The following CCNT2 variants were observed in gnomAD, a reference collection of about 807,000 sequenced individuals.
CCNT2 encodes the protein cyclin T2, also known as cyclin-T2.
Under a neutral mutation model 70.0 loss-of-function variants are expected in CCNT2, and 18 were observed. The ratio of observed to expected loss-of-function variants is 0.26; its 90% confidence interval spans 0.18 to 0.38. The LOEUF (loss-of-function observed/expected upper bound fraction) is 0.38, where lower values mean the gene tolerates loss of function less well. Ranked by LOEUF, CCNT2 falls within the 10% of genes least tolerant of loss-of-function variation. The pLI, the probability that CCNT2 is intolerant of heterozygous loss-of-function variation, is 1.00. For missense variants in CCNT2, 734 were observed against 890.2 expected, an observed-to-expected ratio of 0.82 and a Z score of 2.23; for synonymous variants, 334 against 313.3, an observed-to-expected ratio of 1.07 and a Z score of -0.70.
chr2:134,953,567 CT>C lies in CCNT2; in HGVS notation c.1115del (p.Leu372CysfsTer58). 1 of 1,614,074 alleles carries C rather than the reference CT, an allele frequency of 6.2e-7. No individual in the cohort carries two copies. The highest frequency in any genetic ancestry group is 8.5e-7 in the Non-Finnish European group (1 of 1,179,940). On this transcript the variant is annotated frameshift_variant, in exon 9 of 9. Transcript: ENST00000264157. LOFTEE classifies it high-confidence loss of function. ...CTATATTCACAGAAACAGGAGACAT[CT>C]TTGTCTGGTAGCCAGTACAACATCA... is the stretch of plus-strand genomic sequence containing the variant. The part of the protein sequence containing the change: ...EQLYSQKQET[S>X]LSGSQYNINF...
rs888199864 is a variant in CCNT2 at position 134,959,076 on chromosome 2, T to C, written c.*4428T>C. The C allele has an allele frequency of 9.2e-5, 14 of 152,194 alleles. No homozygotes were observed. Among genetic ancestry groups the C allele is most frequent in the Admixed American group, 5.2e-4 (8 of 15,280 alleles). 9.4% of individuals were successfully genotyped at this position (152,194 alleles called of 1,614,324 possible). On this transcript the variant is annotated 3_prime_UTR_variant, in exon 9 of 9. Transcript: ENST00000264157. ...TTGTTTAATAATGAGTACATTCTTA[T>C]TAAGTGATGAGTACATTCTTAATTT...
At chr2:134,928,274 C>CTTTTTTTTTTTTGTTTTTTTTTTTTTTT (rs1680446244) in intron 2 of CCNT2, among the ~76,000 whole-genome samples, 1 of 96,428 alleles carries the variant, frequency 1.0e-5, no homozygotes, top group Non-Finnish European at 2.0e-5. Context: ...CATTGTATTT[C>CTTTTTTTTTTTTGTTTTTTTTTTTTTTT]TTTTTTTTTT....
intron 2 of CCNT2, among the ~76,000 whole-genome samples, chr2:134,930,231 A>G (rs888417378): frequency 6.6e-6 from 1 of 152,242 alleles, no homozygotes; most frequent in Non-Finnish European, 1.5e-5. Context: ...GACATTTCAT[A>G]TAAATGGAAT....
chr2:134,947,612 G>T, intron 6 of CCNT2, 124 bp from the exon 7 acceptor site: 1 of 567,606 alleles, frequency 1.8e-6, no homozygotes, highest in Non-Finnish European at 2.8e-6. Context: ...ATAAAATAAG[G>T]TTTTATACTC....
chr2:134,939,585 C>T (rs1261223357), intron 4 of CCNT2, among the ~76,000 whole-genome samples: 1 of 152,136 alleles, frequency 6.6e-6, no homozygotes, highest in Non-Finnish European at 1.5e-5. Context: ...CCTGCCTCAG[C>T]CTCCCGAGTA....
chr2:134,921,497 G>A (rs1448562744), intron 2 of CCNT2, among the ~76,000 whole-genome samples: 1 of 152,146 alleles, frequency 6.6e-6, no homozygotes, highest in Non-Finnish European at 1.5e-5. Context: ...GGGACTACAG[G>A]TGTGTGCCAC....
chr2:134,920,612 G>A (rs936427292), intron 2 of CCNT2, among the ~76,000 whole-genome samples: 3 of 152,208 alleles, frequency 2.0e-5, no homozygotes, highest in African/African-American at 7.2e-5. Flanking sequence ...TGTATGTTGA[G>A]TAACACGCAT....
chr2:134,953,371 A>T lies in CCNT2; in HGVS notation c.916A>T (p.Thr306Ser). 1 of 1,602,340 alleles carries T rather than the reference A, an allele frequency of 6.2e-7. No homozygotes were observed. The highest frequency in any genetic ancestry group is 8.5e-7 in the Non-Finnish European group (1 of 1,173,644). Reference sequence around the variant, plus strand: ...AAACCCAAGTTTTCAGAAACCATCTACATCAGCATTCCCTGCGCCAGTACC... The same window carrying T: ...AAACCCAAGTTTTCAGAAACCATCTTCATCAGCATTCCCTGCGCCAGTACC... The part of the protein sequence containing the change: ...PTNPSFQKPS[T>S]SAFPAPVPLN... Residue 306 changes from threonine (T) to serine (S), a missense_variant, in exon 9 of 9, where the codon ACA becomes TCA. Coordinates refer to ENST00000264157, the MANE Select transcript of CCNT2 (RefSeq NM_058241.3).
At chr2:134,931,925 A>G (rs1239894788) in intron 2 of CCNT2, among the ~76,000 whole-genome samples, 1 of 152,064 alleles carries the variant, frequency 6.6e-6, no homozygotes, top group African/African-American at 2.4e-5. Context: ...CTGTGTCTAT[A>G]TAAGAGAGAG....
chr2:134,949,810 G>T (rs1020326037), intron 7 of CCNT2, among the ~76,000 whole-genome samples: 5 of 133,780 alleles, frequency 3.7e-5, no homozygotes, highest in East Asian at 2.6e-4. Context: ...TTCGGGGGGG[G>T]GGTGGGGGAC....
At chr2:134,950,043 C>G (rs1166295804) in intron 7 of CCNT2, among the ~76,000 whole-genome samples, 3 of 152,192 alleles carry the variant, frequency 2.0e-5, no homozygotes, top group African/African-American at 7.2e-5. Flanking sequence ...ATCCACCCAC[C>G]TTGGCCTCAA....
intron 2 of CCNT2, 171 bp downstream of exon 2, chr2:134,920,062 A>G (rs898517709): frequency 7.4e-6 from 4 of 537,256 alleles, no homozygotes; most frequent in Non-Finnish European, 1.3e-5. Context: ...TTTAAAATTT[A>G]TGATGAATTA....
chr2:134,957,932 CTT>C lies in CCNT2; in HGVS notation c.*3286_*3287del, dbSNP rs1376104385. ...ATACCTAATTTTTTTGGCCTATCCT[CTT>C]TGAACTAGAAATGACTACTTGAGGG... On this transcript the variant is annotated 3_prime_UTR_variant, in exon 9 of 9. Transcript: ENST00000264157. 6.6e-6 allele frequency: 1 copy of C among 152,182 alleles called. No homozygotes were observed. The highest frequency in any genetic ancestry group is 2.4e-5 in the African/African-American group (1 of 41,442). 9.4% of individuals were successfully genotyped at this position (152,182 alleles called of 1,614,324 possible). A position where few individuals can be genotyped will look rare whatever the true frequency, so the allele number is the denominator to read the frequency against.
intron 2 of CCNT2, among the ~76,000 whole-genome samples, chr2:134,930,041 G>A (rs1680628296): frequency 6.6e-6 from 1 of 151,906 alleles, no homozygotes; most frequent in Admixed American, 6.6e-5. Context: ...TATTTAGAAT[G>A]CATAATTCAG....
In CCNT2 at chr2:134,937,582, AAGAAATAAGG is replaced by A. The variant is rs1245389595; in HGVS notation, c.369+625_369+634del. Among the ~76,000 whole-genome samples, 20 of 152,292 alleles carry A rather than the reference AAGAAATAAGG, an allele frequency of 1.3e-4. No homozygotes were observed. In the South Asian group the frequency reaches 1.4e-3, roughly 11 times the overall value. The stretch of plus-strand genomic sequence containing the variant: ...CTGTTTTAAATTTTTCTGACATCTT[AAGAAATAAGG>A]AGAAATAAGGAAGTTAGAATTATGG... On this transcript the variant is annotated intron_variant, in intron 3 of 8. Coordinates refer to ENST00000264157, the MANE Select transcript of CCNT2 (RefSeq NM_058241.3).
intron 2 of CCNT2, among the ~76,000 whole-genome samples, chr2:134,928,229 TG>T (rs948893904): frequency 1.1e-4 from 17 of 150,630 alleles, no homozygotes; most frequent in African/African-American, 4.2e-4. Flanking sequence ...CCCACAGTGC[TG>T]GGATTACAGC....
At chr2:134,919,116 C>A (rs1679636063) in intron 1 of CCNT2, 104 bp downstream of exon 1, 5 of 1,306,128 alleles carry the variant, frequency 3.8e-6, no homozygotes, top group Non-Finnish European at 5.2e-6. Context: ...CTTCGCTGGG[C>A]CTCGGCGCCG....
chr2:134,920,617 A>T (rs766063310), intron 2 of CCNT2, among the ~76,000 whole-genome samples: 3 of 152,238 alleles, frequency 2.0e-5, no homozygotes, highest in Non-Finnish European at 2.9e-5. Context: ...GTTGAGTAAC[A>T]CGCATACTGT....
intron 4 of CCNT2, among the ~76,000 whole-genome samples, chr2:134,939,744 G>T (rs1383149876): frequency 6.6e-6 from 1 of 152,184 alleles, no homozygotes; most frequent in Non-Finnish European, 1.5e-5. Context: ...GGGATTACAG[G>T]TGTGCGTCAC....
Sources: gnomAD v4.1 joint callset for allele counts (sites outside exome capture counted in the v4.1 genomes callset) on GRCh38, gnomAD v4.1.1 for gene constraint, MANE v1.5 for transcripts, NCBI Gene and HGNC (gene_info 2026-07-23, HGNC 2026-07-21) for gene names.